Variants in TAF1 observed in about 807,000 individuals in gnomAD.
The protein encoded by TAF1 is transcription initiation factor TFIID subunit 1.
In TAF1, 2 loss-of-function variants were observed where a neutral mutation model predicts 138.5. That is an observed-to-expected ratio of 0.01 (90% CI 0.01 to 0.05). The LOEUF (loss-of-function observed/expected upper bound fraction) is 0.05. TAF1 is among the 10% of genes least tolerant of loss of function. The pLI is 1.00. For synonymous variants in TAF1, 437 were observed against 503.2 expected (o/e 0.87, Z 1.76); for missense variants, 709 against 1,478.0 (o/e 0.48, Z 8.53).
At chrX:71,392,768 G>A in intron 19 of TAF1, 50 bp downstream of exon 19, 3 of 1,188,798 alleles carry the variant, frequency 2.5e-6, no homozygotes, top group Non-Finnish European at 3.4e-6. Flanking sequence ...AGAAAGAAAT[G>A]GGTGAGTGGA....
chrX:71,530,072 A>G, exon 15 of TAF1: 1 of 176,198 alleles, frequency 5.7e-6, no homozygotes, highest in Non-Finnish European at 1.2e-5. Context: ...TTGATATCAC[A>G]GGTGGCCATA....
intron 28 of TAF1, chrX:71,420,325 C>T (rs1327652746): frequency 7.6e-6 from 9 of 1,177,336 alleles, no homozygotes; most frequent in Admixed American, 2.2e-5. Flanking sequence ...GAAGTCCTCA[C>T]TGACTCTTTG....
intron 24 of TAF1, among the ~76,000 whole-genome samples, chrX:71,401,271 A>G (rs1171380474): frequency 9.0e-6 from 1 of 111,503 alleles, no homozygotes; most frequent in East Asian, 2.8e-4. Context: ...TTGTATGTAC[A>G]GTTGAGCTTT....
At chrX:71,373,682 G>C (rs1021940274) in intron 3 of TAF1, among the ~76,000 whole-genome samples, 31 of 111,600 alleles carry the variant, frequency 2.8e-4, no homozygotes, top group African/African-American at 9.4e-4. Flanking sequence ...CAGAAGAGTC[G>C]TGGAGTTGTA....
chrX:71,384,117 A>G lies in TAF1; in HGVS notation c.2103A>G (p.Ile701Met). Residue 701 changes from isoleucine (I) to methionine (M), a missense_variant, in exon 13 of 38, where the codon ATA becomes ATG. This residue lies in a region of TAF1 where 201 missense variants were observed against 421.3 expected (regional missense o/e 0.48). Transcript: ENST00000423759. ...TGCAGGTTGGCATGGCAACCAAGATAAAGAACTATTATAAACGGGTGAGTC... is the reference window on the plus strand; with the variant it reads ...TGCAGGTTGGCATGGCAACCAAGATGAAGAACTATTATAAACGGGTGAGTC... ...LMMQVGMATK[I>M]KNYYKRKPGK... The G allele has an allele frequency of 8.3e-7, 1 of 1,211,762 alleles. No homozygotes were observed. Among genetic ancestry groups the G allele is most frequent in the East Asian group, 3.0e-5 (1 of 33,841 alleles).
At chrX:71,379,751 C>T (rs1448648990) in intron 8 of TAF1, among the ~76,000 whole-genome samples, 28 of 108,397 alleles carry the variant, frequency 2.6e-4, no homozygotes, top group African/African-American at 9.1e-4. Context: ...TACAGGCATG[C>T]GCCACCATGC....
chrX:71,393,180 T>C lies in TAF1; in HGVS notation c.3052-121T>C, dbSNP rs1569296357. 8.2e-6 allele frequency: 9 copies of C among 1,091,760 alleles called. No homozygotes were observed. The South Asian group carries it at 1.8e-4, about 22-fold the overall frequency. The allele number at this position is 1,091,760 out of a possible 1,213,427, so 90.0% of individuals were successfully genotyped here. The stretch of plus-strand genomic sequence containing the variant: ...CTTTGGGGTGATTTTTCTTTTTTGG[T>C]CTAACTGTGTACATTGGCTTGTCCT... On this transcript the variant is annotated intron_variant, in intron 20 of 37. Transcript: ENST00000423759.
Position 71,407,554 on chromosome X carries a change from G to A in TAF1, c.4108-20G>A, listed in dbSNP as rs1208462050. ...TTTTTTTGGTCTGAGGAAGCATTCT[G>A]ATTTCACATTTCTCCTTAGAGACCT... On this transcript the variant is annotated intron_variant, in intron 26 of 37. Coordinates refer to ENST00000423759, the MANE Select transcript of TAF1 (RefSeq NM_004606.5). 1.7e-6 allele frequency: 2 copies of A among 1,199,201 alleles called. No individual in the cohort carries two copies. The highest frequency in any genetic ancestry group is 3.0e-5 in the East Asian group (1 of 33,699).
intron 35 of TAF1, 71 bp from the exon 36 acceptor site, chrX:71,459,481 G>T (rs1186710305): frequency 9.4e-6 from 11 of 1,168,013 alleles, no homozygotes; most frequent in Non-Finnish European, 1.3e-5. Flanking sequence ...GGGGGGGTGT[G>T]CCTGGTGGTG....
intron 32 of TAF1, among the ~76,000 whole-genome samples, chrX:71,443,443 CAT>C (rs2037529514): frequency 9.0e-6 from 1 of 111,273 alleles, no homozygotes; most frequent in Non-Finnish European, 1.9e-5. Flanking sequence ...GGAGTTCACT[CAT>C]GATTTGGCTC....
chrX:71,475,579 C>T (rs1424113762), intron 13 of TAF1, among the ~76,000 whole-genome samples: 5 of 90,068 alleles, frequency 5.6e-5, no homozygotes, highest in African/African-American at 1.8e-4. Flanking sequence ...AGCGAGACTC[C>T]GTTTCAAAAA....
At chrX:71,419,048 T>G (rs1260675652) in intron 28 of TAF1, among the ~76,000 whole-genome samples, 2 of 111,587 alleles carry the variant, frequency 1.8e-5, no homozygotes, top group African/African-American at 6.5e-5. Context: ...ATTACAGGCG[T>G]GAGCCACCAC....
At chrX:71,379,096 T>A in intron 8 of TAF1, 65 bp downstream of exon 8, 6 of 730,067 alleles carry the variant, frequency 8.2e-6, no homozygotes, top group Non-Finnish European at 1.2e-5. Context: ...ATAAGTGGGC[T>A]CAGCTGTGAT....
intron 32 of TAF1, among the ~76,000 whole-genome samples, chrX:71,447,381 G>C (rs1426458037): frequency 9.0e-6 from 1 of 110,956 alleles, no homozygotes; most frequent in South Asian, 3.7e-4. Context: ...AACTTGACTG[G>C]TGTTTTTCTC....
intron 17 of TAF1, 77 bp from the exon 18 acceptor site, chrX:71,389,508 T>A (rs992041026): frequency 4.7e-6 from 4 of 848,339 alleles, no homozygotes; most frequent in Non-Finnish European, 6.8e-6. Flanking sequence ...TATTCTGTAC[T>A]TGTATTCAGT....
intron 22 of TAF1, among the ~76,000 whole-genome samples, chrX:71,396,847 A>ATG (rs2034880640): frequency 9.2e-6 from 1 of 108,901 alleles, no homozygotes; most frequent in Admixed American, 1.0e-4. Flanking sequence ...AGCCTAGGCA[A>ATG]TGTGACAAGA....
intron 13 of TAF1, among the ~76,000 whole-genome samples, chrX:71,477,580 A>T: frequency 8.9e-6 from 1 of 112,239 alleles, no homozygotes; most frequent in Non-Finnish European, 1.9e-5. Context: ...CATAGGTGTG[A>T]GTCACTGTGC....
intron 28 of TAF1, among the ~76,000 whole-genome samples, chrX:71,419,768 G>T (rs1247035352): frequency 9.0e-6 from 1 of 111,090 alleles, no homozygotes; most frequent in African/African-American, 3.3e-5. Context: ...CCCTTGAGCA[G>T]CCCCCAGGGG....
At chrX:71,432,764 T>C (rs983571357) in intron 32 of TAF1, among the ~76,000 whole-genome samples, 2 of 112,033 alleles carry the variant, frequency 1.8e-5, no homozygotes, top group African/African-American at 3.2e-5. Context: ...TTTGGGGGAA[T>C]ATCTCAGAGC....
Sources: allele counts gnomAD v4.1 joint callset (sites outside exome capture counted in the v4.1 genomes callset), GRCh38; gene constraint gnomAD v4.1.1; regional missense constraint gnomAD v4.1.1; transcripts MANE v1.5; gene names NCBI Gene and HGNC (gene_info 2026-07-23, HGNC 2026-07-21).